SPTB: variants seen among roughly 807,000 people sequenced by gnomAD.
SPTB encodes spectrin beta chain, erythrocytic.
SPTB carries 45 observed loss-of-function variants against 256.2 expected under a neutral mutation model. The ratio of observed to expected loss-of-function variants is 0.18; its 90% CI spans 0.14 to 0.23. The LOEUF (loss-of-function observed/expected upper bound fraction) is 0.23. Ranked by LOEUF, SPTB falls within the 10% of genes least tolerant of loss-of-function variation. The pLI is 1.00. For missense variants in SPTB, 2,715 were observed against 3,040.4 expected (o/e 0.89, Z 2.52); for synonymous variants, 1,231 against 1,243.1 (o/e 0.99, Z 0.21).
At chr14:64,751,739 A>T (rs8003047) in intron 33 of SPTB, among the ~76,000 whole-genome samples, 21,224 of 151,744 alleles carry the variant, frequency 0.14, 1,645 homozygotes, top group African/African-American at 0.2. Flanking sequence ...TTCTGTTTTG[A>T]TGAGATGTGC....
At chr14:64,859,702 C>G (rs1437524668) in intron 1 of SPTB, among the ~76,000 whole-genome samples, 10 of 15,166 alleles carry the variant, frequency 6.6e-4, no homozygotes, top group Admixed American at 1.8e-3. Context: ...CTGTCTCTCT[C>G]TCTCTCTCTC....
At position 64,794,591 on chromosome 14, in the gene SPTB, C is replaced by G. The variant is rs773839341; in HGVS notation, c.1671G>C (p.Gly557=). ...IKAHLLSAEF[G]KHLLEVEDLL... ...GGTCTTCAACCTCCAACAAGTGCTTCCCAAACTCGGCAGACAAGAGGTGAG... is the reference window on the plus strand; with the variant it reads ...GGTCTTCAACCTCCAACAAGTGCTTGCCAAACTCGGCAGACAAGAGGTGAG... Residue 557 remains glycine, a synonymous_variant, in exon 13 of 36, where the codon GGG becomes GGC. Coordinates refer to ENST00000644917, the MANE Select transcript of SPTB (RefSeq NM_001355436.2). The G allele has an allele frequency of 4.3e-6, 7 of 1,614,176 alleles. No individual in the cohort carries two copies. The East Asian group carries it at 1.3e-4, about 31-fold the overall frequency.
At chr14:64,801,015 A>C (rs2082875993) in intron 7 of SPTB, 147 bp from the exon 8 acceptor site, 1 of 742,874 alleles carries the variant, frequency 1.3e-6, no homozygotes, top group African/African-American at 1.7e-5. Flanking sequence ...GAGTGTGATG[A>C]AATCCATTTT....
At chr14:64,752,317 T>G in intron 33 of SPTB, 2 of 1,239,372 alleles carry the variant, frequency 1.6e-6, no homozygotes, top group Non-Finnish European at 2.1e-6. Flanking sequence ...TCTCCCTTAC[T>G]TTTGAGGGCA....
chr14:64,788,395 A>C (rs891966978), intron 15 of SPTB, among the ~76,000 whole-genome samples: 24 of 152,158 alleles, frequency 1.6e-4, no homozygotes, highest in African/African-American at 5.6e-4. Flanking sequence ...GTATGATTTG[A>C]AAGGTCTGCA....
chr14:64,821,689 C>G (rs1566786412), intron 2 of SPTB, among the ~76,000 whole-genome samples: 1 of 152,158 alleles, frequency 6.6e-6, no homozygotes, highest in Non-Finnish European at 1.5e-5. Context: ...TTTGTGGGGT[C>G]AAGGAGGGTG....
At position 64,766,726 on chromosome 14, in the gene SPTB, C is replaced by T. The variant is rs777204323; in HGVS notation, c.6345G>A (p.Pro2115=). 1.1e-5 allele frequency: 17 copies of T among 1,613,344 alleles called. No individual in the cohort carries two copies. The highest frequency in any genetic ancestry group is 8.8e-5 in the South Asian group (8 of 91,076). The stretch of plus-strand genomic sequence containing the variant: ...TAGACAAACGAGACCAGAGACTGAC[C>T]GGGGACGTTCTCTCGGTGGCCGCAT... ...SHHAATERTS[P]GEEEGTWPQN... The change falls in exon 32 of 36, where the codon CCG becomes CCA. Residue 2115 remains proline, a splice_region_variant and synonymous_variant. Coordinates refer to ENST00000644917, the MANE Select transcript of SPTB (RefSeq NM_001355436.2).
intron 33 of SPTB, chr14:64,752,247 G>T: frequency 7.4e-7 from 1 of 1,347,490 alleles, no homozygotes; most frequent in Non-Finnish European, 9.8e-7. Flanking sequence ...TACAGCAACA[G>T]ACTCTGTTTC....
chr14:64,839,846 A>G (rs2083578660), intron 1 of SPTB, among the ~76,000 whole-genome samples: 1 of 152,246 alleles, frequency 6.6e-6, no homozygotes, highest in Non-Finnish European at 1.5e-5. Context: ...GTGTCAAGAG[A>G]GAGGCATAAA....
intron 2 of SPTB, among the ~76,000 whole-genome samples, chr14:64,815,870 A>G (rs2083182165): frequency 1.3e-5 from 2 of 152,178 alleles, no homozygotes; most frequent in Non-Finnish European, 2.9e-5. Context: ...GTTACAGGTG[A>G]GGATAAAGAG....
Position 64,760,455 on chromosome 14 carries a change from T to C in SPTB, c.6345+6271A>G, listed in dbSNP as rs2082077831. On this transcript the variant is annotated intron_variant, in intron 32 of 35. Transcript: ENST00000644917. This position sits in a 1 kb window ranked among gnomAD's most constrained non-coding sequence, Gnocchi z 4.3. ...GGACCACAGGGTGTTTCAGAGGTTCTGAAGATGCTCAGAGAACCCGGATGC... is the reference window on the plus strand; with the variant it reads ...GGACCACAGGGTGTTTCAGAGGTTCCGAAGATGCTCAGAGAACCCGGATGC... Among the ~76,000 whole-genome samples, 1 of 152,162 alleles carries C rather than the reference T, an allele frequency of 6.6e-6. No individual in the cohort carries two copies. The highest frequency in any genetic ancestry group is 1.5e-5 in the Non-Finnish European group (1 of 68,038).
At position 64,801,352 on chromosome 14, in the gene SPTB, G is replaced by A. The variant is rs757412174; in HGVS notation, c.696C>T (p.His232=). The A allele has an allele frequency of 4.9e-5, 79 of 1,614,228 alleles. 2 individuals carry two copies. The Middle Eastern group carries it at 1.2e-3, about 24-fold the overall frequency. Residue 232 remains histidine, a synonymous_variant, in exon 7 of 36, where the codon CAC becomes CAT. Coordinates refer to ENST00000644917, the MANE Select transcript of SPTB (RefSeq NM_001355436.2). Reference sequence around the variant, plus strand: ...CCACATTGAATGCGTGCTCCAGGTTGTGCCGGGCATTGGAGTCCTTCAGCT... The same window carrying A: ...CCACATTGAATGCGTGCTCCAGGTTATGCCGGGCATTGGAGTCCTTCAGCT... ...FDKLKDSNAR[H]NLEHAFNVAE...
At position 64,796,462 on chromosome 14, in the gene SPTB, G is replaced by T; in HGVS notation, c.1341+95C>A. On this transcript the variant is annotated intron_variant, in intron 11 of 35. Coordinates refer to ENST00000644917, the MANE Select transcript of SPTB (RefSeq NM_001355436.2). The surrounding 1 kb of genome is among the most constrained non-coding windows in gnomAD (Gnocchi z 4.1). Reference sequence around the variant, plus strand: ...GCTGTGCTGCAAGGCACGAGGAGAGGCTGTGAGAAGCCAGCTTGGACTCCA... The same window carrying T: ...GCTGTGCTGCAAGGCACGAGGAGAGTCTGTGAGAAGCCAGCTTGGACTCCA... The T allele has an allele frequency of 6.4e-7, 1 of 1,550,988 alleles. No individual in the cohort carries two copies. The highest frequency in any genetic ancestry group is 8.9e-7 in the Non-Finnish European group (1 of 1,128,348).
rs567012971 is a variant in SPTB at position 64,858,993 on chromosome 14, T to C, written c.-52+20799A>G. Among the ~76,000 whole-genome samples, 7 of 152,274 alleles carry C rather than the reference T, an allele frequency of 4.6e-5. No homozygotes were observed. The South Asian group carries it at 1.5e-3, about 32-fold the overall frequency. ...GGTTAAATAGGCCAGGTGCAATGGC[T>C]TACACCTGTAATCCCAGCACTTTGG... On this transcript the variant is annotated intron_variant, in intron 1 of 35. Coordinates refer to ENST00000644917, the MANE Select transcript of SPTB (RefSeq NM_001355436.2).
At chr14:64,768,925 G>C (rs917884462) in intron 29 of SPTB, 109 bp downstream of exon 29, 25 of 914,548 alleles carry the variant, frequency 2.7e-5, no homozygotes, top group Non-Finnish European at 4.1e-5. Flanking sequence ...GCTGTGGGGG[G>C]CTCCTCTCTA....
At chr14:64,757,390 G>A (rs145426961) in intron 32 of SPTB, 1 of 152,324 alleles carries the variant, frequency 6.6e-6, no homozygotes, top group Non-Finnish European at 1.5e-5. Flanking sequence ...CTCTTAATGG[G>A]TGCCTGGCCC....
At position 64,760,875 on chromosome 14, in the gene SPTB, G is replaced by A. The variant is rs1428577459; in HGVS notation, c.6345+5851C>T. ...TGAGGAATGTTGAGGTCGCAGGTCT[G>A]TCTGGCACCAAACTCTGTGTTCTTA... On this transcript the variant is annotated intron_variant, in intron 32 of 35. Transcript: ENST00000644917. The surrounding 1 kb of genome is among the most constrained non-coding windows in gnomAD (Gnocchi z 4.3). Among the ~76,000 whole-genome samples, 1 of 152,250 alleles carries A rather than the reference G, an allele frequency of 6.6e-6. No individual in the cohort carries two copies. The highest frequency in any genetic ancestry group is 6.5e-5 in the Admixed American group (1 of 15,290).
Position 64,753,790 on chromosome 14 carries a change from C to A in SPTB, c.6349G>T (p.Glu2117Ter). 1 of 1,612,938 alleles carries A rather than the reference C, an allele frequency of 6.2e-7. No individual in the cohort carries two copies. The highest frequency in any genetic ancestry group is 8.5e-7 in the Non-Finnish European group (1 of 1,180,020). The stretch of plus-strand genomic sequence containing the variant: ...TTCTGAGGCCACGTTCCCTCTTCTT[C>A]CCCCTGCTCAGGGCATAGGGAGGAG... ...HAATERTSPG[E>*]EEGTWPQNLQ... The change falls in exon 33 of 36, where the codon GAA becomes TAA. Residue 2117 changes from glutamate to a stop codon, truncating the protein, a stop_gained. Transcript: ENST00000644917. LOFTEE classifies it high-confidence loss of function.
intron 1 of SPTB, among the ~76,000 whole-genome samples, chr14:64,874,257 T>C (rs1359132491): frequency 6.6e-6 from 1 of 152,190 alleles, no homozygotes; most frequent in South Asian, 2.1e-4. Context: ...CTAGGCACTT[T>C]CAAAGGTCTT....
Sources: allele counts gnomAD v4.1 joint callset (sites outside exome capture counted in the v4.1 genomes callset), GRCh38; gene constraint gnomAD v4.1.1; non-coding constraint Gnocchi (gnomAD v3.1); transcripts MANE v1.5; gene names NCBI Gene and HGNC (gene_info 2026-07-23, HGNC 2026-07-21).